The following EYS variants were observed in gnomAD, a reference collection of about 807,000 sequenced individuals.
EYS encodes the protein protein eyes shut homolog.
In EYS, 250 loss-of-function variants were observed where a neutral mutation model predicts 282.1. The observed-to-expected ratio is 0.89, with a 90% CI of 0.80 to 0.98. EYS has a LOEUF of 0.98. Among genes scored for constraint, EYS ranks in the 50% least tolerant of loss-of-function variants. The pLI, the probability that EYS is intolerant of heterozygous loss-of-function variation, is 0.00. For missense variants in EYS, 4,016 were observed against 3,709.0 expected (o/e 1.08, Z -2.15); for synonymous variants, 1,355 against 1,282.9 (o/e 1.06, Z -1.20).
At chr6:64,309,869 G>A (rs988428578) in intron 29 of EYS, among the ~76,000 whole-genome samples, 1 of 151,636 alleles carries the variant, frequency 6.6e-6, no homozygotes, top group Non-Finnish European at 1.5e-5. Context: ...GGAGGCTGTG[G>A]CAAGAGAATT....
At chr6:64,558,895 A>G (rs1765315941) in intron 26 of EYS, among the ~76,000 whole-genome samples, 1 of 152,180 alleles carries the variant, frequency 6.6e-6, no homozygotes, top group South Asian at 2.1e-4. Flanking sequence ...AAACCACTCT[A>G]TGATCACATG....
intron 12 of EYS, among the ~76,000 whole-genome samples, chr6:65,131,002 A>C (rs891065217): frequency 6.6e-6 from 1 of 151,508 alleles, no homozygotes; most frequent in Non-Finnish European, 1.5e-5. Flanking sequence ...AGACAAATTT[A>C]TTTCTTAAGT....
intron 12 of EYS, among the ~76,000 whole-genome samples, chr6:65,185,076 A>T (rs1337007365): frequency 6.6e-6 from 1 of 151,372 alleles, no homozygotes; most frequent in African/African-American, 2.4e-5. Flanking sequence ...TGAATTGCTC[A>T]TAATTTCAAA....
At chr6:65,636,972 TG>T (rs1767108737) in intron 2 of EYS, among the ~76,000 whole-genome samples, 1 of 151,950 alleles carries the variant, frequency 6.6e-6, no homozygotes, top group South Asian at 2.1e-4. Context: ...CCACCACAGT[TG>T]GATATGTTGT....
At chr6:64,127,833 G>T (rs533989308) in intron 31 of EYS, among the ~76,000 whole-genome samples, 1 of 152,074 alleles carries the variant, frequency 6.6e-6, no homozygotes. Context: ...GAGCATGGAG[G>T]TGCTTATTTT....
rs1246051539 is a variant in EYS, at chr6:65,607,755, CAT to C, written c.-333+32021_-333+32022del. Among the ~76,000 whole-genome samples the C allele has an allele frequency of 9.2e-5, 14 of 151,952 alleles. No homozygotes were observed. The East Asian group carries it at 2.7e-3, about 29-fold the overall frequency. ...AATAAATTATATTTAAAACCACACA[CAT>C]ACATTATGCAGAATTTTCTCCTTTC... On this transcript the variant is annotated intron_variant, in intron 2 of 42. Transcript: ENST00000503581.
intron 11 of EYS, among the ~76,000 whole-genome samples, chr6:65,320,160 C>A (rs1458576203): frequency 6.6e-5 from 10 of 150,960 alleles, no homozygotes; most frequent in East Asian, 1.9e-4. Flanking sequence ...AAAAAAAAAA[C>A]ACACACACAC....
Position 65,322,252 on chromosome 6 carries a change from G to C in EYS, c.1766+12728C>G, listed in dbSNP as rs547724268. Among the ~76,000 whole-genome samples the C allele has an allele frequency of 5.3e-5, 8 of 152,252 alleles. 1 individual carries two copies. In the South Asian group the frequency reaches 1.2e-3, roughly 24 times the overall value. ...GAACCAGATGAAATGAGGAAAGCAC[G>C]GTTCACCTTCAAGAGAAAGAAGTAG... is the stretch of plus-strand genomic sequence containing the variant. On this transcript the variant is annotated intron_variant, in intron 11 of 42. Transcript: ENST00000503581.
chr6:64,748,804 ACT>A (rs1467193739), intron 22 of EYS, among the ~76,000 whole-genome samples: 1 of 152,116 alleles, frequency 6.6e-6, no homozygotes, highest in African/African-American at 2.4e-5. Flanking sequence ...ACGGAGTCTC[ACT>A]CTGTTGCCCA....
At chr6:64,213,996 C>T (rs1830025542) in intron 31 of EYS, among the ~76,000 whole-genome samples, 1 of 152,060 alleles carries the variant, frequency 6.6e-6, no homozygotes, top group African/African-American at 2.4e-5. Flanking sequence ...AGTGATTACA[C>T]AGAAATCTTT....
chr6:63,798,592 A>G (rs1168174330), intron 37 of EYS, among the ~76,000 whole-genome samples: 1 of 152,192 alleles, frequency 6.6e-6, no homozygotes, highest in African/African-American at 2.4e-5. Flanking sequence ...TTCATCAGGC[A>G]TCTTCCTTCT....
At chr6:65,644,577 T>C (rs1378249075) in intron 1 of EYS, among the ~76,000 whole-genome samples, 1 of 152,134 alleles carries the variant, frequency 6.6e-6, no homozygotes, top group Non-Finnish European at 1.5e-5. Flanking sequence ...CCTGGGAAAT[T>C]CATCGCAAAA....
chr6:64,277,003 T>C (rs933345679), intron 30 of EYS, among the ~76,000 whole-genome samples: 3 of 152,144 alleles, frequency 2.0e-5, no homozygotes, highest in Non-Finnish European at 4.4e-5. Flanking sequence ...TTTCTCAGGA[T>C]CTGTGTAAAT....
chr6:65,615,402 G>A (rs201624706), intron 2 of EYS, among the ~76,000 whole-genome samples: 17 of 113,302 alleles, frequency 1.5e-4, no homozygotes, highest in South Asian at 3.6e-4. Context: ...ATATATATAT[G>A]TGTGTGTATA....
chr6:63,861,657 C>G (rs976761039), intron 36 of EYS, among the ~76,000 whole-genome samples: 1 of 152,080 alleles, frequency 6.6e-6, no homozygotes, highest in African/African-American at 2.4e-5. Context: ...AACCTAACTG[C>G]CAATGTGATG....
chr6:64,440,820 A>T (rs551859234), intron 26 of EYS, among the ~76,000 whole-genome samples: 12 of 151,912 alleles, frequency 7.9e-5, no homozygotes, highest in South Asian at 4.2e-4. Flanking sequence ...TGATGAAATT[A>T]AAAAAAATTA....
intron 35 of EYS, among the ~76,000 whole-genome samples, chr6:63,920,170 T>C (rs938000126): frequency 2.6e-5 from 4 of 151,130 alleles, no homozygotes; most frequent in Admixed American, 1.3e-4. Flanking sequence ...TTTTTTTTAA[T>C]AGAATGCACT....
intron 35 of EYS, among the ~76,000 whole-genome samples, chr6:63,915,235 T>G (rs760332178): frequency 6.6e-6 from 1 of 152,092 alleles, no homozygotes; most frequent in Non-Finnish European, 1.5e-5. Flanking sequence ...ATCCTGAAAA[T>G]CCTAGGGCCT....
At chr6:64,954,598 A>G (rs944939014) in intron 14 of EYS, among the ~76,000 whole-genome samples, 4 of 152,152 alleles carry the variant, frequency 2.6e-5, no homozygotes, top group Non-Finnish European at 5.9e-5. Flanking sequence ...CCAAATGACA[A>G]TAATAATGCA....
Sources: gnomAD v4.1 joint callset for allele counts (sites outside exome capture counted in the v4.1 genomes callset) on GRCh38, gnomAD v4.1.1 for gene constraint, MANE v1.5 for transcripts, NCBI Gene and HGNC (gene_info 2026-07-23, HGNC 2026-07-21) for gene names.